The following LRRC20 variants were observed in gnomAD, a reference collection of about 807,000 sequenced individuals.
LRRC20 encodes leucine-rich repeat-containing protein 20.
A neutral mutation model predicts 14.4 loss-of-function variants in LRRC20; 11 were observed. That is an observed-to-expected ratio of 0.77 (90% CI 0.48 to 1.27). LRRC20 has a LOEUF of 1.27. Among genes scored for constraint, LRRC20 ranks in the 50% most tolerant of loss-of-function variants. LRRC20 has a pLI of 0.00. For missense variants in LRRC20, 219 were observed against 251.2 expected (o/e 0.87, Z 0.87); for synonymous variants, 121 against 107.3 (o/e 1.13, Z -0.79).
chr10:70,304,765 C>G (rs1179600589), intron 4 of LRRC20, among the ~76,000 whole-genome samples: 6 of 152,000 alleles, frequency 3.9e-5, no homozygotes, highest in Non-Finnish European at 5.9e-5. Flanking sequence ...CTCTAGGTAC[C>G]TCATATAAGT....
intron 4 of LRRC20, among the ~76,000 whole-genome samples, chr10:70,309,981 T>C (rs929967855): frequency 3.9e-5 from 6 of 152,260 alleles, no homozygotes; most frequent in African/African-American, 1.4e-4. Context: ...CCAGGGTCTG[T>C]GGCATTCTCT....
intron 4 of LRRC20, among the ~76,000 whole-genome samples, chr10:70,302,388 T>C (rs118085384): frequency 0.023 from 3,505 of 152,182 alleles, 61 homozygotes; most frequent in Middle Eastern, 0.044. Flanking sequence ...ACTCCACTTA[T>C]GTGAGGTACA....
intron 2 of LRRC20, among the ~76,000 whole-genome samples, chr10:70,363,081 G>C (rs546560660): frequency 1.7e-4 from 25 of 149,774 alleles, no homozygotes; most frequent in African/African-American, 6.1e-4. Flanking sequence ...GACTAGTCTG[G>C]GCAAGATGGT....
chr10:70,378,414 G>A (rs911270054), intron 1 of LRRC20, among the ~76,000 whole-genome samples: 20 of 151,748 alleles, frequency 1.3e-4, no homozygotes, highest in African/African-American at 1.5e-4. Flanking sequence ...AGGCCTAGGC[G>A]GGTGGATCAC....
intron 2 of LRRC20, among the ~76,000 whole-genome samples, chr10:70,373,499 T>G (rs2137165458): frequency 6.6e-6 from 1 of 152,308 alleles, no homozygotes; most frequent in South Asian, 2.1e-4. Flanking sequence ...CCAGCCCCCT[T>G]AGAGTGTATA....
intron 4 of LRRC20, among the ~76,000 whole-genome samples, chr10:70,306,665 G>GT (rs887341770): frequency 5.9e-5 from 9 of 151,880 alleles, no homozygotes; most frequent in African/African-American, 1.5e-4. Flanking sequence ...ACTATTGTGT[G>GT]TTTTTTTTCT....
rs58045463 is a variant in LRRC20, at chr10:70,361,360, C to T, written c.82+15092G>A. Among the ~76,000 whole-genome samples the T allele has an allele frequency of 2.0e-3, 305 of 152,324 alleles. 1 individual carries two copies. The highest frequency in any genetic ancestry group is 6.8e-3 in the African/African-American group (283 of 41,566). On this transcript the variant is annotated intron_variant, in intron 2 of 4. Coordinates refer to ENST00000446961, the MANE Select transcript of LRRC20 (RefSeq NM_001278212.2). ...TGAGTCTCTGCCCTCAGGGAGCTTA[C>T]GCCCTAGTGTGGCGAGAAGGCAGTA...
intron 2 of LRRC20, 28 bp from the exon 3 acceptor site, chr10:70,340,730 G>A: frequency 6.2e-7 from 1 of 1,613,156 alleles, no homozygotes; most frequent in East Asian, 2.2e-5. Flanking sequence ...AAACAAACCA[G>A]AGTTATCAGC....
intron 2 of LRRC20, among the ~76,000 whole-genome samples, chr10:70,370,728 G>C (rs566064993): frequency 6.6e-6 from 1 of 152,258 alleles, no homozygotes; most frequent in African/African-American, 2.4e-5. Context: ...AGGCAACAGA[G>C]TGGGACTCCA....
intron 2 of LRRC20, among the ~76,000 whole-genome samples, chr10:70,374,082 C>T (rs181356432): frequency 9.8e-5 from 15 of 152,294 alleles, no homozygotes; most frequent in Admixed American, 7.8e-4. Flanking sequence ...AGGCTCTCCG[C>T]CTGCCAGGCA....
chr10:70,370,677 A>T (rs975718044), intron 2 of LRRC20, among the ~76,000 whole-genome samples: 2 of 152,146 alleles, frequency 1.3e-5, no homozygotes, highest in African/African-American at 4.8e-5. Flanking sequence ...CAGGAGGTGG[A>T]GGTTACAGTG....
At chr10:70,355,897 A>ATGC (rs80295357) in intron 2 of LRRC20, among the ~76,000 whole-genome samples, 1 of 151,968 alleles carries the variant, frequency 6.6e-6, no homozygotes, top group African/African-American at 2.4e-5. Context: ...CCTCTGACAA[A>ATGC]CGCACACACG....
At chr10:70,327,928 T>C (rs1367349158) in intron 3 of LRRC20, among the ~76,000 whole-genome samples, 3 of 152,196 alleles carry the variant, frequency 2.0e-5, no homozygotes, top group Non-Finnish European at 2.9e-5. Context: ...GGCACCTCAC[T>C]TCATCCAGTT....
chr10:70,366,132 G>A (rs1011419289), intron 2 of LRRC20, among the ~76,000 whole-genome samples: 46 of 150,980 alleles, frequency 3.0e-4, no homozygotes, highest in Non-Finnish European at 5.7e-4. Flanking sequence ...ATGAAAAGTT[G>A]TACAACGTCG....
chr10:70,335,016 C>T (rs1000687704), intron 3 of LRRC20, among the ~76,000 whole-genome samples: 3 of 152,276 alleles, frequency 2.0e-5, no homozygotes, highest in East Asian at 1.9e-4. Flanking sequence ...AGGTGTCATG[C>T]ACCCTGTGGG....
intron 2 of LRRC20, among the ~76,000 whole-genome samples, chr10:70,346,948 T>C (rs1843094800): frequency 3.9e-5 from 6 of 152,160 alleles, no homozygotes; most frequent in Admixed American, 3.9e-4. Context: ...GGCAGTGGCG[T>C]GATCTCGGCT....
chr10:70,331,038 A>C (rs1842517757), intron 3 of LRRC20, among the ~76,000 whole-genome samples: 1 of 152,198 alleles, frequency 6.6e-6, no homozygotes, highest in Admixed American at 6.5e-5. Flanking sequence ...TCTGAGCCTC[A>C]GGGTCCCCAT....
Position 70,301,456 on chromosome 10 carries a change from G to A in LRRC20, c.453C>T (p.Leu151=), listed in dbSNP as rs1841179345. Residue 151 remains leucine (L), a synonymous_variant, in exon 5 of 5, where the codon CTC becomes CTT. Transcript: ENST00000446961. ...CCTCGGCGTTGAGTGGGTTGAAGCG[G>A]AGGTTGATGCTGCGCAAGGCTGGCA... ...AAMPALRSIN[L]RFNPLNAEVR... 1.9e-6 allele frequency: 3 copies of A among 1,614,002 alleles called. No individual in the cohort carries two copies. The highest frequency in any genetic ancestry group is 2.5e-6 in the Non-Finnish European group (3 of 1,180,054).
chr10:70,347,882 C>T (rs1008925872), intron 2 of LRRC20, among the ~76,000 whole-genome samples: 9 of 151,904 alleles, frequency 5.9e-5, no homozygotes, highest in African/African-American at 2.2e-4. Flanking sequence ...AAGCCCTCTG[C>T]GGCTTCATCT....
Sources: gnomAD v4.1 joint callset for allele counts (sites outside exome capture counted in the v4.1 genomes callset) on GRCh38, gnomAD v4.1.1 for gene constraint, MANE v1.5 for transcripts, NCBI Gene and HGNC (gene_info 2026-07-23, HGNC 2026-07-21) for gene names.